The following ARL2BP variants were observed in gnomAD, a reference collection of about 807,000 sequenced individuals.
ARL2BP encodes the protein ARF like GTPase 2 binding protein.
Under a neutral mutation model 24.2 loss-of-function variants are expected in ARL2BP, and 19 were observed. The observed-to-expected ratio is 0.79, with a 90% confidence interval of 0.55 to 1.15. ARL2BP has a LOEUF of 1.15. Ranked by LOEUF, ARL2BP falls within the 50% of genes most tolerant of loss-of-function variation. The pLI, the probability that ARL2BP is intolerant of heterozygous loss-of-function variation, is 0.00. For missense variants in ARL2BP, 160 were observed against 190.4 expected (o/e 0.84, Z 0.94); for synonymous variants, 56 against 70.5 (o/e 0.79, Z 1.03).
Position 57,253,548 on chromosome 16 carries a change from CTG to C in ARL2BP, c.*1285_*1286del, listed in dbSNP as rs1286350990. ...GGTTTTAAAGGACAAGCTACAAGCT[CTG>C]TGTTTCTGTACTGATGTGTCACTTA... On this transcript the variant is annotated 3_prime_UTR_variant, in exon 6 of 6. Transcript: ENST00000219204. 4 of 152,016 alleles carry C rather than the reference CTG, an allele frequency of 2.6e-5. No individual in the cohort carries two copies. The highest frequency in any genetic ancestry group is 1.3e-4 in the Admixed American group (2 of 15,254). 9.4% of individuals were successfully genotyped at this position (152,016 alleles called of 1,614,324 possible). A position where few individuals can be genotyped will look rare whatever the true frequency, so the allele number is the denominator to read the frequency against.
At chr16:57,245,491 C>T (rs2075387221) in intron 1 of ARL2BP, 86 bp downstream of exon 1, 8 of 1,531,370 alleles carry the variant, frequency 5.2e-6, no homozygotes, top group Middle Eastern at 1.9e-4. Context: ...AAACAGGTGT[C>T]CTTAGGGGCC....
Position 57,252,324 on chromosome 16 carries a change from C to G in ARL2BP, c.*57C>G. On this transcript the variant is annotated 3_prime_UTR_variant, in exon 6 of 6. Transcript: ENST00000219204. ...CTGGATGTCACCAGCCCAATAGGCT[C>G]AGCTCATGATGACAGAACACATCTT... The G allele has an allele frequency of 6.2e-7, 1 of 1,613,692 alleles. No individual in the cohort carries two copies. The highest frequency in any genetic ancestry group is 8.5e-7 in the Non-Finnish European group (1 of 1,179,930).
intron 3 of ARL2BP, 30 bp from the exon 4 acceptor site, chr16:57,249,737 G>T: frequency 1.9e-6 from 3 of 1,580,424 alleles, no homozygotes; most frequent in Non-Finnish European, 2.6e-6. Flanking sequence ...CCAAAGTATG[G>T]TCTCACCAAA....
At chr16:57,248,322 AAAAAAAAAAAAAAAG>A in intron 2 of ARL2BP, 200 bp from the exon 3 acceptor site, 1 of 216,458 alleles carries the variant, frequency 4.6e-6, no homozygotes, top group East Asian at 1.1e-4. Context: ...AAAAAAAAAA[AAAAAAAAAAAAAAAG>A]AAAGAAAGAA....
At chr16:57,247,190 T>C (rs1443931229) in intron 2 of ARL2BP, among the ~76,000 whole-genome samples, 2 of 152,208 alleles carry the variant, frequency 1.3e-5, no homozygotes, top group Admixed American at 1.3e-4. Context: ...AATATAGATG[T>C]TTCATCATTA....
chr16:57,249,148 A>G (rs1018480695), intron 3 of ARL2BP: 2 of 152,956 alleles, frequency 1.3e-5, no homozygotes, highest in African/African-American at 4.8e-5. Context: ...TCTTTCTTCT[A>G]TATAATCCAG....
At position 57,249,764 on chromosome 16, in the gene ARL2BP, C is replaced by T. The variant is rs557165327; in HGVS notation, c.208-3C>T. On this transcript the variant is annotated splice_polypyrimidine_tract_variant and splice_region_variant and intron_variant, in intron 3 of 5. Coordinates refer to ENST00000219204, the MANE Select transcript of ARL2BP (RefSeq NM_012106.4). The stretch of plus-strand genomic sequence containing the variant: ...CTCACCAAAATCCTTTCCACTGTTG[C>T]AGATTTCTTTGGTAGAAAAATACAT... 39 of 1,613,478 alleles carry T rather than the reference C, an allele frequency of 2.4e-5. No individual in the cohort carries two copies. In the South Asian group the frequency reaches 3.1e-4, roughly 13 times the overall value.
chr16:57,246,586 A>C (rs1429635595), intron 2 of ARL2BP, among the ~76,000 whole-genome samples: 2 of 152,134 alleles, frequency 1.3e-5, no homozygotes, highest in Non-Finnish European at 2.9e-5. Flanking sequence ...GCGGATCACG[A>C]GGTCAGGAGA....
In ARL2BP at chr16:57,248,620, T is replaced by A. The variant is rs1359310788; in HGVS notation, c.184T>A (p.Tyr62Asn). ...AGACACAGAAGAGAATAAACTCATC[T>A]ACACACCTATTTTTAATGAATACGT... ...FEDTEENKLIYTPIFNEYISL... is the reference protein window; with the variant it reads ...FEDTEENKLINTPIFNEYISL... The change falls in exon 3 of 6, where the codon TAC (tyrosine) becomes AAC (asparagine). Residue 62 changes from tyrosine (Y) to asparagine (N), a missense_variant. Tyr to Asn is a moderately radical substitution (Grantham distance 143). Coordinates refer to ENST00000219204, the MANE Select transcript of ARL2BP (RefSeq NM_012106.4). The A allele has an allele frequency of 6.3e-7, 1 of 1,591,862 alleles. No homozygotes were observed. The highest frequency in any genetic ancestry group is 1.7e-5 in the Admixed American group (1 of 57,174).
rs1312876524 is a variant in ARL2BP at position 57,245,382 on chromosome 16, A to C, written c.15A>C (p.Glu5Asp). 23 of 1,607,702 alleles carry C rather than the reference A, an allele frequency of 1.4e-5. No individual in the cohort carries two copies. The highest frequency in any genetic ancestry group is 2.0e-5 in the Non-Finnish European group (23 of 1,177,830). Residue 5 changes from glutamate to aspartate, a missense_variant, in exon 1 of 6, where the codon GAA becomes GAC. Coordinates refer to ENST00000219204, the MANE Select transcript of ARL2BP (RefSeq NM_012106.4). The stretch of plus-strand genomic sequence containing the variant: ...GGGCGACTGCGATGGACGCCTTAGA[A>C]GGAGAGAGCTTTGCGCTGTCTTTGT... Reference protein sequence around the residue: MDALEGESFALSFSS... With the variant: MDALDGESFALSFSS...
At position 57,252,163 on chromosome 16, in the gene ARL2BP, T is replaced by C. The variant is rs760426172; in HGVS notation, c.391-3T>C. ...TCCTTCCTTTGGTTGTTTTCTCATA[T>C]AGGAAAAAGAAGGCCGAGGACTGGA... On this transcript the variant is annotated splice_region_variant and splice_polypyrimidine_tract_variant and intron_variant, in intron 5 of 5. Transcript: ENST00000219204. 13 of 1,613,370 alleles carry C rather than the reference T, an allele frequency of 8.1e-6. No individual in the cohort carries two copies. The African/African-American group carries it at 1.1e-4, about 13-fold the overall frequency.
chr16:57,252,121 GC>G, intron 5 of ARL2BP, 44 bp from the exon 6 acceptor site: 14 of 1,587,774 alleles, frequency 8.8e-6, no homozygotes, highest in Non-Finnish European at 1.2e-5. Context: ...AAGATTCCAA[GC>G]CAGGGCTCTT....
At chr16:57,245,897 G>T in intron 1 of ARL2BP, 183 bp from the exon 2 acceptor site, 1 of 634,534 alleles carries the variant, frequency 1.6e-6, no homozygotes, top group Non-Finnish European at 2.8e-6. Context: ...CAAACGTGCC[G>T]AGTGTGTTTT....
intron 2 of ARL2BP, chr16:57,246,407 C>T (rs1156459053): frequency 5.1e-6 from 2 of 389,532 alleles, no homozygotes; most frequent in Non-Finnish European, 9.2e-6. Flanking sequence ...TGGCGTTCTT[C>T]GCAAAACTAT....
rs1249622134 is a variant in ARL2BP, at chr16:57,250,293, A to AAAAAC, written c.294-108_294-104dup. The AAAAAC allele has an allele frequency of 1.8e-5, 16 of 895,888 alleles. No individual in the cohort carries two copies. The East Asian group carries it at 3.9e-4, about 22-fold the overall frequency. 55.5% of individuals were successfully genotyped at this position (895,888 alleles called of 1,614,324 possible). The stretch of plus-strand genomic sequence containing the variant: ...TGACAGAGCAAGACCCAGTCTCTAA[A>AAAAAC]AAAACAAAACAAAAATAATGCGGGG... On this transcript the variant is annotated intron_variant, in intron 4 of 5. Coordinates refer to ENST00000219204, the MANE Select transcript of ARL2BP (RefSeq NM_012106.4).
At chr16:57,247,661 A>G (rs548480517) in intron 2 of ARL2BP, among the ~76,000 whole-genome samples, 1 of 152,318 alleles carries the variant, frequency 6.6e-6, no homozygotes, top group East Asian at 1.9e-4. Flanking sequence ...TTCCAGATAA[A>G]TGTGTTTATA....
At position 57,250,683 on chromosome 16, in the gene ARL2BP, T is replaced by C. The variant is rs2075404723; in HGVS notation, c.390+176T>C. The C allele has an allele frequency of 4.9e-6, 3 of 608,048 alleles. No individual in the cohort carries two copies. The African/African-American group carries it at 5.5e-5, about 11-fold the overall frequency. 37.7% of individuals were successfully genotyped at this position (608,048 alleles called of 1,614,324 possible). ...TGGCTGGGACCTTCTCATGTTTTCA[T>C]GAAACAAGCCCAGGTACCAACTTAG... On this transcript the variant is annotated intron_variant, in intron 5 of 5. Coordinates refer to ENST00000219204, the MANE Select transcript of ARL2BP (RefSeq NM_012106.4).
chr16:57,252,101 T>C (rs1567526771), intron 5 of ARL2BP, 65 bp from the exon 6 acceptor site: 11 of 1,460,888 alleles, frequency 7.5e-6, no homozygotes, highest in Admixed American at 1.7e-5. Context: ...GCCTTCCCCA[T>C]GTCAGAGGCA....
intron 1 of ARL2BP, 43 bp downstream of exon 1, chr16:57,245,448 C>G: frequency 6.3e-7 from 1 of 1,596,000 alleles, no homozygotes. Flanking sequence ...GGGCCGGAGG[C>G]AGCGGGCGTT....
Sources: allele counts gnomAD v4.1 joint callset (sites outside exome capture counted in the v4.1 genomes callset), GRCh38; gene constraint gnomAD v4.1.1; transcripts MANE v1.5; gene names NCBI Gene and HGNC (gene_info 2026-07-23, HGNC 2026-07-21).